ERBB4: variants seen among roughly 807,000 people sequenced by gnomAD.
ERBB4 encodes erb-b2 receptor tyrosine kinase 4, also known as receptor tyrosine-protein kinase erbB-4.
ERBB4 carries 42 observed loss-of-function variants against 158.0 expected under a neutral mutation model. The observed-to-expected ratio is 0.27, with a 90% CI of 0.21 to 0.34. ERBB4 has a LOEUF of 0.34. ERBB4 is among the 10% of genes least tolerant of loss of function. The pLI is 1.00. For synonymous variants in ERBB4, 583 were observed against 558.7 expected (o/e 1.04, Z -0.61); for missense variants, 1,333 against 1,624.1 (o/e 0.82, Z 3.08).
At chr2:212,078,272 AG>A (rs543650286) in intron 2 of ERBB4, among the ~76,000 whole-genome samples, 29 of 151,950 alleles carry the variant, frequency 1.9e-4, no homozygotes, top group Admixed American at 3.3e-4. Flanking sequence ...TTTTTGTTTA[AG>A]AAACTTTTTT....
intron 1 of ERBB4, among the ~76,000 whole-genome samples, chr2:212,177,256 T>C (rs557893228): frequency 6.3e-4 from 95 of 151,842 alleles, no homozygotes; most frequent in African/African-American, 2.1e-3. Context: ...AAAATCCCTA[T>C]GGTGTTCTCA....
chr2:211,682,182 T>A (rs1186209724), intron 12 of ERBB4, among the ~76,000 whole-genome samples: 1 of 151,858 alleles, frequency 6.6e-6, no homozygotes, highest in Non-Finnish European at 1.5e-5. Context: ...GCAGTCCCCA[T>A]CTGAGTCTAA....
intron 1 of ERBB4, among the ~76,000 whole-genome samples, chr2:212,194,469 T>C (rs1287199966): frequency 1.3e-5 from 2 of 152,052 alleles, no homozygotes; most frequent in African/African-American, 4.8e-5. Context: ...AGGGCAATAC[T>C]ATGTTACCTG....
intron 9 of ERBB4, among the ~76,000 whole-genome samples, chr2:211,709,833 A>G (rs190025909): frequency 7.9e-5 from 12 of 152,246 alleles, no homozygotes; most frequent in African/African-American, 2.4e-4. Context: ...TCCAATTTCA[A>G]TGAAAGTCAT....
chr2:211,927,700 TA>T (rs1256525835), intron 3 of ERBB4, among the ~76,000 whole-genome samples: 3 of 151,754 alleles, frequency 2.0e-5, no homozygotes, highest in African/African-American at 7.3e-5. Flanking sequence ...GTTCTACACT[TA>T]ACTCGCAAAA....
In ERBB4 at chr2:211,871,765, T is replaced by A. The variant is rs113897583; in HGVS notation, c.421+75665A>T. 1.2e-4 allele frequency among the ~76,000 whole-genome samples: 18 copies of A among 152,328 alleles called. 2 individuals carry two copies. Among genetic ancestry groups the A allele is most frequent in the African/African-American group, 4.3e-4 (18 of 41,592 alleles). On this transcript the variant is annotated intron_variant, in intron 3 of 27. Coordinates refer to ENST00000342788, the MANE Select transcript of ERBB4 (RefSeq NM_005235.3). ...TCTATTACAAATCACTTTTAAACTCTATCTAAAGAAGTTACATTACAGTGA... is the reference window on the plus strand; with the variant it reads ...TCTATTACAAATCACTTTTAAACTCAATCTAAAGAAGTTACATTACAGTGA...
chr2:212,011,312 G>A (rs1211674217), intron 2 of ERBB4, among the ~76,000 whole-genome samples: 2 of 152,116 alleles, frequency 1.3e-5, no homozygotes, highest in African/African-American at 4.8e-5. Flanking sequence ...CCTGCAGCAG[G>A]ACTAAATGAA....
chr2:211,866,403 T>C (rs191036364), intron 3 of ERBB4, among the ~76,000 whole-genome samples: 1 of 152,288 alleles, frequency 6.6e-6, no homozygotes, highest in Non-Finnish European at 1.5e-5. Flanking sequence ...TAAGAATACC[T>C]AGACCATGCC....
intron 3 of ERBB4, among the ~76,000 whole-genome samples, chr2:211,940,006 T>TAGATAGATAGATAGATAGAC (rs1210326694): frequency 1.2e-3 from 180 of 150,880 alleles, no homozygotes; most frequent in Middle Eastern, 6.8e-3. Context: ...GATAGATAGA[T>TAGATAGATAGATAGATAGAC]AGAGATAGAT....
chr2:211,437,839 T>G (rs2063887958), intron 20 of ERBB4, among the ~76,000 whole-genome samples: 1 of 152,174 alleles, frequency 6.6e-6, no homozygotes, highest in Admixed American at 6.5e-5. Flanking sequence ...AAATATCTCC[T>G]TTTTTTCTAC....
At chr2:212,212,032 T>A (rs1022419907) in intron 1 of ERBB4, among the ~76,000 whole-genome samples, 3 of 152,118 alleles carry the variant, frequency 2.0e-5, no homozygotes, top group Non-Finnish European at 2.9e-5. Context: ...TACATGTGCA[T>A]GTGTCTTTAC....
At position 211,679,077 on chromosome 2, in the gene ERBB4, T is replaced by C. The variant is rs780678450; in HGVS notation, c.1597A>G (p.Ile533Val). 1 of 1,612,814 alleles carries C rather than the reference T, an allele frequency of 6.2e-7. No individual in the cohort carries two copies. Among genetic ancestry groups the C allele is most frequent in the Non-Finnish European group, 8.5e-7 (1 of 1,179,450 alleles). ...CRRFSRGRICIESCNLYDGEF... is the reference protein window; with the variant it reads ...CRRFSRGRICVESCNLYDGEF... ...CCATCATAGAGGTTACAAGACTCTA[T>C]GCAGATCCTTCCTCTACTGAAGCGG... The change falls in exon 13 of 28, where the codon ATA (isoleucine) becomes GTA (valine). Residue 533 changes from isoleucine (I) to valine (V), a missense_variant. Transcript: ENST00000342788.
chr2:211,792,998 T>C (rs2076309216), intron 3 of ERBB4, among the ~76,000 whole-genome samples: 1 of 151,884 alleles, frequency 6.6e-6, no homozygotes, highest in Non-Finnish European at 1.5e-5. Flanking sequence ...TAGCTTTTTT[T>C]CTCTGCCCTG....
chr2:211,884,107 A>G (rs1276350050), intron 3 of ERBB4, among the ~76,000 whole-genome samples: 1 of 152,160 alleles, frequency 6.6e-6, no homozygotes, highest in East Asian at 1.9e-4. Context: ...GCCTATTCTA[A>G]GTTTCTCAGA....
chr2:212,323,743 A>C (rs2087679989), intron 1 of ERBB4, among the ~76,000 whole-genome samples: 1 of 150,596 alleles, frequency 6.6e-6, no homozygotes, highest in Non-Finnish European at 1.5e-5. Context: ...TCGGTTATTT[A>C]TCTTTTGGAG....
At chr2:211,763,653 T>C (rs887475014) in intron 4 of ERBB4, among the ~76,000 whole-genome samples, 2 of 152,032 alleles carry the variant, frequency 1.3e-5, no homozygotes, top group South Asian at 2.1e-4. Flanking sequence ...ATATATAAGA[T>C]TGAGACTGAG....
At chr2:212,515,783 A>G (rs537422033) in intron 1 of ERBB4, among the ~76,000 whole-genome samples, 31 of 152,168 alleles carry the variant, frequency 2.0e-4, no homozygotes, top group Non-Finnish European at 3.5e-4. Context: ...AGGGTAATGA[A>G]CCATTAAATA....
Position 211,809,433 on chromosome 2 carries a change from C to G in ERBB4, c.422-21274G>C, listed in dbSNP as rs1358470438. Among the ~76,000 whole-genome samples, 7 of 152,180 alleles carry G rather than the reference C, an allele frequency of 4.6e-5. No individual in the cohort carries two copies. In the East Asian group the frequency reaches 1.4e-3, roughly 29 times the overall value. ...TTAGTTTTGGGAGGGTGTATGTGTC[C>G]AGGAATTTATCCATTTCTTCTAGAT... On this transcript the variant is annotated intron_variant, in intron 3 of 27. Coordinates refer to ENST00000342788, the MANE Select transcript of ERBB4 (RefSeq NM_005235.3).
intron 20 of ERBB4, among the ~76,000 whole-genome samples, chr2:211,442,947 G>A (rs1286319545): frequency 2.0e-5 from 3 of 151,906 alleles, no homozygotes; most frequent in Non-Finnish European, 4.4e-5. Flanking sequence ...ACTGTGAATG[G>A]CGTGTTCCTG....
Sources: allele counts gnomAD v4.1 joint callset (sites outside exome capture counted in the v4.1 genomes callset), GRCh38; gene constraint gnomAD v4.1.1; transcripts MANE v1.5; gene names NCBI Gene and HGNC (gene_info 2026-07-23, HGNC 2026-07-21).